FHIT: variants seen among roughly 807,000 people sequenced by gnomAD.
FHIT encodes the protein fragile histidine triad diadenosine triphosphatase.
A neutral mutation model predicts 17.9 loss-of-function variants in FHIT; 19 were observed. That is an observed-to-expected ratio of 1.06 (90% CI 0.74 to 1.56). FHIT has a LOEUF of 1.56. Among genes scored for constraint, FHIT ranks in the 40% most tolerant of loss-of-function variants. The pLI is 0.00. For missense variants in FHIT, 248 were observed against 189.2 expected (o/e 1.31, Z -1.82); for synonymous variants, 81 against 69.7 (o/e 1.16, Z -0.81).
chr3:60,138,163 T>C (rs1380755844), intron 5 of FHIT, among the ~76,000 whole-genome samples: 2 of 152,192 alleles, frequency 1.3e-5, no homozygotes, highest in Non-Finnish European at 2.9e-5. Flanking sequence ...CTTATGGCTC[T>C]ATGGAAGTTC....
intron 5 of FHIT, among the ~76,000 whole-genome samples, chr3:60,308,090 A>C (rs1708766874): frequency 6.6e-6 from 1 of 152,138 alleles, no homozygotes; most frequent in Non-Finnish European, 1.5e-5. Context: ...CACAGCAGCA[A>C]TCTTGGGAGT....
chr3:60,644,174 G>A (rs782239171), intron 4 of FHIT, among the ~76,000 whole-genome samples: 17 of 152,144 alleles, frequency 1.1e-4, no homozygotes, highest in Non-Finnish European at 2.1e-4. Flanking sequence ...AGATGTTCTA[G>A]AATAGACAGG....
At chr3:61,017,039 C>A (rs1297249544) in intron 3 of FHIT, among the ~76,000 whole-genome samples, 3 of 152,194 alleles carry the variant, frequency 2.0e-5, no homozygotes, top group African/African-American at 7.2e-5. Context: ...GTAATCCCAG[C>A]ACTTTGGGAG....
intron 4 of FHIT, among the ~76,000 whole-genome samples, chr3:60,819,038 C>CTTTTTTTTTTTTT (rs1282544271): frequency 9.8e-6 from 1 of 102,202 alleles, no homozygotes; most frequent in African/African-American, 3.2e-5. Flanking sequence ...TTTTTCTTTT[C>CTTTTTTTTTTTTT]TTTTTTTTTT....
intron 5 of FHIT, among the ~76,000 whole-genome samples, chr3:60,433,244 G>A (rs1356521800): frequency 2.0e-5 from 3 of 151,818 alleles, no homozygotes; most frequent in African/African-American, 7.3e-5. Flanking sequence ...CCTATGACAA[G>A]GTGAATAATG....
chr3:60,199,036 G>C (rs1439529392), intron 5 of FHIT, among the ~76,000 whole-genome samples: 2 of 152,162 alleles, frequency 1.3e-5, no homozygotes, highest in Non-Finnish European at 2.9e-5. Flanking sequence ...GGAGTTGTCA[G>C]AGGAATCACG....
chr3:61,248,700 G>A (rs755550167), intron 1 of FHIT, among the ~76,000 whole-genome samples: 28 of 152,148 alleles, frequency 1.8e-4, no homozygotes, highest in Non-Finnish European at 3.5e-4. Context: ...TAAAGATGGG[G>A]ACACAAAAAC....
intron 4 of FHIT, chr3:60,732,123 A>G: frequency 1.4e-6 from 1 of 709,940 alleles, no homozygotes; most frequent in Non-Finnish European, 2.4e-6. Context: ...TCTGGTGGTT[A>G]AGAGAAAACA....
At chr3:60,997,512 GT>G (rs1559897109) in intron 3 of FHIT, among the ~76,000 whole-genome samples, 1 of 152,116 alleles carries the variant, frequency 6.6e-6, no homozygotes, top group Non-Finnish European at 1.5e-5. Flanking sequence ...GTTGAGGGGG[GT>G]GTGGATGGTG....
chr3:60,891,624 T>A (rs1206865110), intron 3 of FHIT, among the ~76,000 whole-genome samples: 1 of 152,182 alleles, frequency 6.6e-6, no homozygotes, highest in East Asian at 1.9e-4. Context: ...TATAAGCCAA[T>A]AAAATATCAT....
chr3:60,034,749 T>C (rs570921762), intron 5 of FHIT, among the ~76,000 whole-genome samples: 9 of 152,306 alleles, frequency 5.9e-5, no homozygotes, highest in South Asian at 4.1e-4. Context: ...CTATTCAACA[T>C]TGACATTTAT....
rs528317090 is a variant in FHIT, at chr3:60,411,479, C to T, written c.103+125381G>A. On this transcript the variant is annotated intron_variant, in intron 5 of 9. Transcript: ENST00000492590. Reference sequence around the variant, plus strand: ...AAGCCATTTACAAAACATTGAGGAACTGCCAAACGTTGTAGGGTTCATACA... The same window carrying T: ...AAGCCATTTACAAAACATTGAGGAATTGCCAAACGTTGTAGGGTTCATACA... Among the ~76,000 whole-genome samples the T allele has an allele frequency of 3.3e-5, 5 of 152,248 alleles. No individual in the cohort carries two copies. In the South Asian group the frequency reaches 1.0e-3, roughly 32 times the overall value.
chr3:60,228,307 C>T (rs1015630487), intron 5 of FHIT, among the ~76,000 whole-genome samples: 6 of 152,000 alleles, frequency 3.9e-5, no homozygotes, highest in Non-Finnish European at 7.4e-5. Context: ...GGACATTAAG[C>T]ATAGGAGAAT....
At chr3:59,785,992 T>A (rs564431485) in intron 8 of FHIT, among the ~76,000 whole-genome samples, 11 of 152,194 alleles carry the variant, frequency 7.2e-5, no homozygotes, top group Non-Finnish European at 1.3e-4. Flanking sequence ...TCTGAGATCA[T>A]GTCTGTTGTG....
At chr3:60,280,243 C>CA (rs1016502336) in intron 5 of FHIT, among the ~76,000 whole-genome samples, 1 of 152,032 alleles carries the variant, frequency 6.6e-6, no homozygotes, top group East Asian at 1.9e-4. Context: ...AAAAAATCTA[C>CA]AAAAAAACCT....
intron 7 of FHIT, among the ~76,000 whole-genome samples, chr3:59,954,124 C>G (rs780214637): frequency 4.0e-5 from 6 of 151,724 alleles, no homozygotes; most frequent in Admixed American, 6.6e-5. Context: ...GGAAGCAAAT[C>G]AGAAGGCCAG....
chr3:60,470,129 C>T (rs1195369963), intron 5 of FHIT, among the ~76,000 whole-genome samples: 2 of 151,656 alleles, frequency 1.3e-5, no homozygotes, highest in Non-Finnish European at 2.9e-5. Flanking sequence ...CTCCTGTGGC[C>T]ACCGCCACTG....
chr3:60,205,996 G>C (rs1487780026), intron 5 of FHIT, among the ~76,000 whole-genome samples: 1 of 150,576 alleles, frequency 6.6e-6, no homozygotes, highest in Non-Finnish European at 1.5e-5. Flanking sequence ...AGCCGGGCGT[G>C]GTTGCAGGCA....
chr3:59,907,541 A>G (rs1422898360), intron 8 of FHIT, among the ~76,000 whole-genome samples: 2 of 152,196 alleles, frequency 1.3e-5, no homozygotes, highest in Non-Finnish European at 2.9e-5. Context: ...TGGATAATGG[A>G]CAGAGTCAAG....
Sources: allele counts gnomAD v4.1 joint callset (sites outside exome capture counted in the v4.1 genomes callset), GRCh38; gene constraint gnomAD v4.1.1; transcripts MANE v1.5; gene names NCBI Gene and HGNC (gene_info 2026-07-23, HGNC 2026-07-21).